The following TENM3 variants were observed in gnomAD, a reference collection of about 807,000 sequenced individuals.
The protein encoded by TENM3 is teneurin transmembrane protein 3, also known as teneurin-3.
Under a neutral mutation model 255.1 loss-of-function variants are expected in TENM3, and 63 were observed. The ratio of observed to expected loss-of-function variants is 0.25; its 90% confidence interval spans 0.20 to 0.30. The LOEUF is 0.30. Ranked by LOEUF, TENM3 falls within the 10% of genes least tolerant of loss-of-function variation. The pLI is 1.00. For synonymous variants in TENM3, 1,306 were observed against 1,322.3 expected (o/e 0.99, Z 0.27); for missense variants, 2,929 against 3,461.1 (o/e 0.85, Z 3.86).
At chr4:181,901,804 G>A in the TENM3 span, among the ~76,000 whole-genome samples, 1 of 152,046 alleles carries the variant, frequency 6.6e-6, no homozygotes, top group Non-Finnish European at 1.5e-5. Flanking sequence ...AAAATACCGG[G>A]TATGTCAGAG....
chr4:182,569,731 C>G (rs545952219), intron 3 of TENM3, among the ~76,000 whole-genome samples: 3 of 152,208 alleles, frequency 2.0e-5, no homozygotes, highest in African/African-American at 7.2e-5. Flanking sequence ...AGTGAAGACC[C>G]AGGCAAGGCA....
At chr4:181,861,059 A>G in the TENM3 span, among the ~76,000 whole-genome samples, 2 of 152,232 alleles carry the variant, frequency 1.3e-5, no homozygotes, top group African/African-American at 4.8e-5. Flanking sequence ...AACATCATCC[A>G]GCGGTATCTT....
intron 12 of TENM3, chr4:182,697,784 T>C (rs554706913): frequency 4.6e-5 from 7 of 152,344 alleles, no homozygotes; most frequent in Admixed American, 3.3e-4. Context: ...CTCAGACTTG[T>C]AATTTTTAAA....
intron 1 of TENM3, among the ~76,000 whole-genome samples, chr4:182,268,565 G>A (rs1254465828): frequency 6.6e-6 from 1 of 152,130 alleles, no homozygotes; most frequent in Non-Finnish European, 1.5e-5. Context: ...AGATGGTTAA[G>A]GCATTCTAAG....
chr4:182,540,640 A>G (rs966719403), intron 3 of TENM3, among the ~76,000 whole-genome samples: 3 of 152,168 alleles, frequency 2.0e-5, no homozygotes, highest in Admixed American at 2.0e-4. Flanking sequence ...CGTGTGTCTC[A>G]CCAAGGATTG....
the TENM3 span, among the ~76,000 whole-genome samples, chr4:182,030,152 T>C: frequency 1.3e-5 from 2 of 152,154 alleles, no homozygotes; most frequent in South Asian, 2.1e-4. Context: ...TGTGCCACAG[T>C]GGTTTCCTGC....
At chr4:181,472,144 CA>C in the TENM3 span, among the ~76,000 whole-genome samples, 5 of 152,194 alleles carry the variant, frequency 3.3e-5, no homozygotes, top group African/African-American at 1.2e-4. Flanking sequence ...TTCTGAGCCC[CA>C]ACAAGGCCTA....
chr4:182,096,563 T>C, the TENM3 span, among the ~76,000 whole-genome samples: 1 of 152,202 alleles, frequency 6.6e-6, no homozygotes, highest in Non-Finnish European at 1.5e-5. Flanking sequence ...TTAGCAGCAA[T>C]GGATGCGAAA....
chr4:182,449,292 C>T (rs554852058), intron 3 of TENM3, among the ~76,000 whole-genome samples: 16 of 143,988 alleles, frequency 1.1e-4, no homozygotes, highest in Non-Finnish European at 1.8e-4. Context: ...TGAATCGGTG[C>T]GGAGGCAACA....
chr4:182,175,309 AAAAAAATATATAT>A (rs1223667985), intron 1 of TENM3, among the ~76,000 whole-genome samples: 1 of 77,454 alleles, frequency 1.3e-5, no homozygotes, highest in Non-Finnish European at 3.0e-5. Context: ...CATTAAAAAA[AAAAAAATATATAT>A]ATATATATAT....
At chr4:181,816,228 T>C in the TENM3 span, among the ~76,000 whole-genome samples, 1 of 152,286 alleles carries the variant, frequency 6.6e-6, no homozygotes, top group Non-Finnish European at 1.5e-5. Flanking sequence ...AGTGCTCCAT[T>C]CTGCCCAACC....
chr4:181,785,892 A>G, the TENM3 span, among the ~76,000 whole-genome samples: 276 of 152,230 alleles, frequency 1.8e-3, no homozygotes, highest in African/African-American at 6.4e-3. Context: ...CAGTGTCTTA[A>G]TGTGGGAGTG....
the TENM3 span, among the ~76,000 whole-genome samples, chr4:181,760,999 C>CACACACATACACACACACACACACACAT: frequency 1.4e-5 from 2 of 145,524 alleles, no homozygotes; most frequent in Non-Finnish European, 1.5e-5. Flanking sequence ...CACACACACA[C>CACACACATACACACACACACACACACAT]ACACACACAC....
At chr4:182,216,309 G>A (rs1755463576) in intron 1 of TENM3, among the ~76,000 whole-genome samples, 1 of 152,236 alleles carries the variant, frequency 6.6e-6, no homozygotes, top group Non-Finnish European at 1.5e-5. Context: ...ATACCTAGGT[G>A]TGACCAGATG....
the TENM3 span, among the ~76,000 whole-genome samples, chr4:181,544,093 T>C: frequency 6.6e-6 from 1 of 152,088 alleles, no homozygotes; most frequent in Non-Finnish European, 1.5e-5. Flanking sequence ...GATTAGTTCA[T>C]TATTGCCTTT....
rs149133004 is a variant in TENM3, at chr4:182,778,316, G to A, written c.5304+3163G>A. 1.1e-4 allele frequency among the ~76,000 whole-genome samples: 17 copies of A among 152,262 alleles called. No individual in the cohort carries two copies. In the East Asian group the frequency reaches 3.1e-3, roughly 28 times the overall value. ...ATCTCAAAATTTGAAAGCCAAACGTGTGTTTAAAGGCATGCATAAATATGA... is the reference window on the plus strand; with the variant it reads ...ATCTCAAAATTTGAAAGCCAAACGTATGTTTAAAGGCATGCATAAATATGA... On this transcript the variant is annotated intron_variant, in intron 24 of 27. Transcript: ENST00000511685.
At chr4:181,524,044 T>C in the TENM3 span, among the ~76,000 whole-genome samples, 14,227 of 152,272 alleles carry the variant, frequency 0.093, 738 homozygotes, top group East Asian at 0.2. Context: ...CTCGCTGTTA[T>C]AGAAGACAAA....
chr4:181,754,575 GTTAACAAAGGAATGACA>G, the TENM3 span, among the ~76,000 whole-genome samples: 2 of 152,122 alleles, frequency 1.3e-5, no homozygotes, highest in African/African-American at 4.8e-5. Context: ...AGAAAGTGCC[GTTAACAAAGGAATGACA>G]GTGGAGATGT....
chr4:182,795,452 G>A (rs539614777), intron 26 of TENM3, among the ~76,000 whole-genome samples: 1 of 152,134 alleles, frequency 6.6e-6, no homozygotes, highest in East Asian at 1.9e-4. Flanking sequence ...TTTGCATCCT[G>A]TGTGAACCAC....
Sources: gnomAD v4.1 joint callset for allele counts (sites outside exome capture counted in the v4.1 genomes callset) on GRCh38, gnomAD v4.1.1 for gene constraint, MANE v1.5 for transcripts, NCBI Gene and HGNC (gene_info 2026-07-23, HGNC 2026-07-21) for gene names.